MALT1: variants seen among roughly 807,000 people sequenced by gnomAD.
MALT1 encodes the protein MALT1 paracaspase.
MALT1 carries 36 observed loss-of-function variants against 85.5 expected under a neutral mutation model. The observed-to-expected ratio is 0.42, with a 90% confidence interval of 0.32 to 0.56. The LOEUF (loss-of-function observed/expected upper bound fraction) is 0.56, where lower values mean the gene tolerates loss of function less well. Among genes scored for constraint, MALT1 ranks in the 20% least tolerant of loss-of-function variants. The pLI, the probability that MALT1 is intolerant of heterozygous loss-of-function variation, is 0.10. For missense variants in MALT1, 716 were observed against 981.6 expected (o/e 0.73, Z 3.62); for synonymous variants, 359 against 361.3 (o/e 0.99, Z 0.07).
At chr18:58,671,969 C>A in intron 1 of MALT1, 117 bp downstream of exon 1, 1 of 651,076 alleles carries the variant, frequency 1.5e-6, no homozygotes, top group Non-Finnish European at 2.1e-6. Context: ...CGTGAGTGAG[C>A]GGAGGTGGGG....
At chr18:58,729,506 GA>G (rs11355331) in intron 10 of MALT1, among the ~76,000 whole-genome samples, 24,001 of 127,614 alleles carry the variant, frequency 0.19, 2,498 homozygotes, top group East Asian at 0.32. Context: ...AAAAAAAAAA[GA>G]AAAAAAAAAT....
In MALT1 at chr18:58,715,986, T is replaced by G; in HGVS notation, c.1018+19T>G. 1.3e-6 allele frequency: 2 copies of G among 1,561,950 alleles called. No homozygotes were observed. Among genetic ancestry groups the G allele is most frequent in the Non-Finnish European group, 1.8e-6 (2 of 1,141,040 alleles). On this transcript the variant is annotated intron_variant, in intron 9 of 16. Transcript: ENST00000649217. Reference sequence around the variant, plus strand: ...CCTTTGGGTGAGTAGAACTTTAAAATGCATTATCAAAGTATAATTATTGTG... The same window carrying G: ...CCTTTGGGTGAGTAGAACTTTAAAAGGCATTATCAAAGTATAATTATTGTG...
Position 58,692,843 on chromosome 18 carries a change from C to T in MALT1, c.377-3523C>T, listed in dbSNP as rs116149213. Reference sequence around the variant, plus strand: ...TAAAAATGCTACTTCAGTGAACACACGAATGATAAGAAAGCAAAACAGCCT... The same window carrying T: ...TAAAAATGCTACTTCAGTGAACACATGAATGATAAGAAAGCAAAACAGCCT... On this transcript the variant is annotated intron_variant, in intron 2 of 16. Coordinates refer to ENST00000649217, the MANE Select transcript of MALT1 (RefSeq NM_006785.4). Among the ~76,000 whole-genome samples the T allele has an allele frequency of 3.9e-3, 598 of 152,230 alleles. 5 individuals carry two copies. The highest frequency in any genetic ancestry group is 0.014 in the African/African-American group (575 of 41,554).
rs114365323 is a variant in MALT1 at position 58,702,490 on chromosome 18, A to C, written c.649+1899A>C. Reference sequence around the variant, plus strand: ...TAAATATGATCATTATAAAAAGTAGATCAGTAGATAAGCACATAGCATTTG... The same window carrying C: ...TAAATATGATCATTATAAAAAGTAGCTCAGTAGATAAGCACATAGCATTTG... On this transcript the variant is annotated intron_variant, in intron 4 of 16. Coordinates refer to ENST00000649217, the MANE Select transcript of MALT1 (RefSeq NM_006785.4). Among the ~76,000 whole-genome samples the C allele has an allele frequency of 5.8e-3, 887 of 152,362 alleles. 3 individuals are homozygous for C. Among genetic ancestry groups the C allele is most frequent in the African/African-American group, 0.019 (810 of 41,584 alleles).
At chr18:58,686,797 C>T (rs1388948612) in intron 2 of MALT1, among the ~76,000 whole-genome samples, 1 of 152,134 alleles carries the variant, frequency 6.6e-6, no homozygotes, top group East Asian at 1.9e-4. Context: ...TCTTTAGTTT[C>T]TAAAATACCT....
chr18:58,677,504 A>G (rs1433983742), intron 1 of MALT1: 1 of 152,186 alleles, frequency 6.6e-6, no homozygotes, highest in East Asian at 1.9e-4. Context: ...ATTGTTTCTA[A>G]TACAGGTTCT....
At chr18:58,722,301 G>T (rs760330261) in intron 9 of MALT1, among the ~76,000 whole-genome samples, 8 of 152,014 alleles carry the variant, frequency 5.3e-5, no homozygotes, top group Non-Finnish European at 1.0e-4. Flanking sequence ...TTAAGGCATA[G>T]ATACAGATCT....
intron 5 of MALT1, 28 bp from the exon 6 acceptor site, chr18:58,709,948 G>A: frequency 7.5e-7 from 1 of 1,340,142 alleles, no homozygotes; most frequent in Non-Finnish European, 1.1e-6. Context: ...AGAAGAGGAA[G>A]CATTTACATG....
intron 2 of MALT1, among the ~76,000 whole-genome samples, chr18:58,690,205 A>G (rs1382321349): frequency 1.3e-5 from 2 of 152,142 alleles, no homozygotes; most frequent in African/African-American, 2.4e-5. Flanking sequence ...GAACTTTTTC[A>G]TTATATCTGT....
intron 3 of MALT1, among the ~76,000 whole-genome samples, chr18:58,697,434 A>C (rs912480794): frequency 6.6e-5 from 10 of 152,328 alleles, no homozygotes; most frequent in Non-Finnish European, 1.5e-4. Context: ...GGCACTAGAT[A>C]GGTCTGTGTT....
rs1568155901 is a variant in MALT1 at position 58,742,125 on chromosome 18, CCTA to C, written c.1753+115_1753+117del. 4 of 796,236 alleles carry C rather than the reference CCTA, an allele frequency of 5.0e-6. No homozygotes were observed. In the South Asian group the frequency reaches 1.9e-4, roughly 39 times the overall value. 49.3% of individuals were successfully genotyped at this position (796,236 alleles called of 1,614,324 possible). On this transcript the variant is annotated intron_variant, in intron 14 of 16. Transcript: ENST00000649217. ...CAGTTTTACAGTGAAAATATTTTGGCCTACTAGGCAAATCTCAAACCAAACAAA... is the reference window on the plus strand; with the variant it reads ...CAGTTTTACAGTGAAAATATTTTGGCCTAGGCAAATCTCAAACCAAACAAA...
chr18:58,683,328 A>G (rs886264291), intron 2 of MALT1, among the ~76,000 whole-genome samples: 3 of 152,154 alleles, frequency 2.0e-5, no homozygotes, highest in African/African-American at 7.2e-5. Context: ...TTTTTCAATA[A>G]TTATGCTTAA....
chr18:58,747,298 A>G (rs1308352043), intron 16 of MALT1, 107 bp from the exon 17 acceptor site: 4 of 702,150 alleles, frequency 5.7e-6, no homozygotes, highest in South Asian at 3.6e-5. Flanking sequence ...CTGGGAAAGG[A>G]GAGTGAGTGG....
At position 58,742,992 on chromosome 18, in the gene MALT1, G is replaced by A. The variant is rs867567217; in HGVS notation, c.1753+978G>A. 5.9e-5 allele frequency among the ~76,000 whole-genome samples: 9 copies of A among 152,298 alleles called. No homozygotes were observed. The South Asian group carries it at 8.3e-4, about 14-fold the overall frequency. The stretch of plus-strand genomic sequence containing the variant: ...ATAATTTTGGATTTTCTGAGTCCAA[G>A]TATCTAGTCTGTGAGTCTCTTATAG... On this transcript the variant is annotated intron_variant, in intron 14 of 16. Transcript: ENST00000649217.
intron 13 of MALT1, among the ~76,000 whole-genome samples, chr18:58,737,715 T>TG (rs2055243666): frequency 6.6e-6 from 1 of 152,144 alleles, no homozygotes; most frequent in African/African-American, 2.4e-5. Flanking sequence ...CCCAAGTAGC[T>TG]GGGACTAAAG....
At chr18:58,708,569 G>A (rs8088079) in intron 4 of MALT1, among the ~76,000 whole-genome samples, 36,593 of 152,036 alleles carry the variant, frequency 0.24, 4,483 homozygotes, top group Middle Eastern at 0.33. Flanking sequence ...TGTGTGGGGT[G>A]GGAGGCAGTG....
chr18:58,695,452 A>C (rs1414363092), intron 2 of MALT1, among the ~76,000 whole-genome samples: 1 of 152,212 alleles, frequency 6.6e-6, no homozygotes, highest in Non-Finnish European at 1.5e-5. Flanking sequence ...TCAAATGAGG[A>C]ATGTTTGTGT....
chr18:58,711,308 A>T (rs946995960), intron 7 of MALT1, among the ~76,000 whole-genome samples: 3 of 152,188 alleles, frequency 2.0e-5, no homozygotes, highest in Admixed American at 6.5e-5. Context: ...GTGATCATGG[A>T]TATTTGTTTT....
At chr18:58,698,849 A>G (rs923083524) in intron 3 of MALT1, among the ~76,000 whole-genome samples, 3 of 152,176 alleles carry the variant, frequency 2.0e-5, no homozygotes, top group African/African-American at 7.2e-5. Flanking sequence ...AGTTTGTGGT[A>G]ATGTTGTTCA....
Sources: gnomAD v4.1 joint callset for allele counts (sites outside exome capture counted in the v4.1 genomes callset) on GRCh38, gnomAD v4.1.1 for gene constraint, MANE v1.5 for transcripts, NCBI Gene and HGNC (gene_info 2026-07-23, HGNC 2026-07-21) for gene names.